Variants in TRAPPC8 observed in about 807,000 individuals in gnomAD.
TRAPPC8 encodes the protein general sporulation gene 1 homolog.
In TRAPPC8, 54 loss-of-function variants were observed where a neutral mutation model predicts 174.3. That is an observed-to-expected ratio of 0.31 (90% CI 0.25 to 0.39). The LOEUF is 0.39. TRAPPC8 is among the 10% of genes least tolerant of loss of function. The pLI is 1.00. For synonymous variants in TRAPPC8, 630 were observed against 579.9 expected (o/e 1.09, Z -1.24); for missense variants, 1,531 against 1,699.1 (o/e 0.90, Z 1.74).
chr18:31,892,987 A>G (rs1367316805), intron 11 of TRAPPC8, among the ~76,000 whole-genome samples: 1 of 151,178 alleles, frequency 6.6e-6, no homozygotes, highest in Non-Finnish European at 1.5e-5. Context: ...ACTGCACTCC[A>G]GCCTTGGTGA....
intron 4 of TRAPPC8, among the ~76,000 whole-genome samples, chr18:31,914,957 A>T (rs1416897092): frequency 6.6e-6 from 1 of 152,210 alleles, no homozygotes; most frequent in Non-Finnish European, 1.5e-5. Context: ...ATAAATATGA[A>T]GTCACAAGAG....
chr18:31,909,358 TAA>T (rs1481129194), intron 6 of TRAPPC8, among the ~76,000 whole-genome samples: 1 of 152,020 alleles, frequency 6.6e-6, no homozygotes, highest in Admixed American at 6.5e-5. Context: ...ACAAAAATCA[TAA>T]AGTCAGAAAT....
intron 27 of TRAPPC8, chr18:31,833,537 T>C (rs1184443415): frequency 6.6e-6 from 1 of 152,264 alleles, no homozygotes; most frequent in African/African-American, 2.4e-5. Context: ...TCAAGTCTCA[T>C]GTCTCATTTT....
At chr18:31,840,373 CAG>C (rs2033022094) in intron 26 of TRAPPC8, among the ~76,000 whole-genome samples, 1 of 132,082 alleles carries the variant, frequency 7.6e-6, no homozygotes, top group Admixed American at 7.5e-5. Flanking sequence ...AATAGAGAGA[CAG>C]AGGGAGGGAG....
At position 31,857,583 on chromosome 18, in the gene TRAPPC8, A is replaced by G; in HGVS notation, c.3145T>C (p.Phe1049Leu). The G allele has an allele frequency of 6.2e-7, 1 of 1,608,550 alleles. No individual in the cohort carries two copies. Among genetic ancestry groups the G allele is most frequent in the Non-Finnish European group, 8.5e-7 (1 of 1,177,976 alleles). ...PDEEGVHEIN[F>L]LFYYESVKKQ... Reference sequence around the variant, plus strand: ...TTGACACTTTCATAGTAAAACAAAAAGTTAATTTCATGGACACCTTCTTCA... The same window carrying G: ...TTGACACTTTCATAGTAAAACAAAAGGTTAATTTCATGGACACCTTCTTCA... The change falls in exon 20 of 29, where the codon TTT (phenylalanine) becomes CTT (leucine). Residue 1049 changes from phenylalanine (F) to leucine (L), a missense_variant. By Grantham distance (22) the Phe-to-Leu change is conservative. Transcript: ENST00000283351.
chr18:31,902,628 GA>G (rs1286898589), intron 9 of TRAPPC8, among the ~76,000 whole-genome samples: 1 of 152,092 alleles, frequency 6.6e-6, no homozygotes, highest in Non-Finnish European at 1.5e-5. Context: ...GAGACAAAGG[GA>G]AAAAAGGTTG....
At position 31,918,001 on chromosome 18, in the gene TRAPPC8, C is replaced by G. The variant is rs532034452; in HGVS notation, c.353-334G>C. 2.3e-4 allele frequency among the ~76,000 whole-genome samples: 35 copies of G among 152,204 alleles called. 1 individual carries two copies. The East Asian group carries it at 6.0e-3, about 26-fold the overall frequency. Reference sequence around the variant, plus strand: ...ATTAGCCGGGCATGGTGGCACGTGACTGTAATCCCAGCTACTCAGCAGGCT... The same window carrying G: ...ATTAGCCGGGCATGGTGGCACGTGAGTGTAATCCCAGCTACTCAGCAGGCT... On this transcript the variant is annotated intron_variant, in intron 2 of 28. Coordinates refer to ENST00000283351, the MANE Select transcript of TRAPPC8 (RefSeq NM_014939.5).
At chr18:31,864,555 T>C in intron 19 of TRAPPC8, 72 bp downstream of exon 19, 1 of 1,491,742 alleles carries the variant, frequency 6.7e-7, no homozygotes, top group Non-Finnish European at 9.1e-7. Context: ...CCTCAGAGCC[T>C]AAAATTAATT....
chr18:31,859,836 T>C lies in TRAPPC8; in HGVS notation c.2746-1854A>G, dbSNP rs1417937613. Among the ~76,000 whole-genome samples the C allele has an allele frequency of 5.9e-5, 9 of 152,048 alleles. No individual in the cohort carries two copies. In the East Asian group the frequency reaches 1.2e-3, roughly 20 times the overall value. On this transcript the variant is annotated intron_variant, in intron 19 of 28. Coordinates refer to ENST00000283351, the MANE Select transcript of TRAPPC8 (RefSeq NM_014939.5). ...TTTGAGACCAGCCTGACCAACATGGTGAAGCCCCGTCTCTACTAAAAATAC... is the reference window on the plus strand; with the variant it reads ...TTTGAGACCAGCCTGACCAACATGGCGAAGCCCCGTCTCTACTAAAAATAC...
At chr18:31,935,448 G>A (rs2038047167) in intron 1 of TRAPPC8, among the ~76,000 whole-genome samples, 1 of 147,780 alleles carries the variant, frequency 6.8e-6, no homozygotes, top group African/African-American at 2.5e-5. Context: ...CTACTCGGCA[G>A]GCTGAGGCAG....
chr18:31,936,817 G>A (rs1257266056), intron 1 of TRAPPC8, among the ~76,000 whole-genome samples: 1 of 149,458 alleles, frequency 6.7e-6, no homozygotes, highest in Non-Finnish European at 1.5e-5. Flanking sequence ...CAGGAGAATT[G>A]CTTGAACCTG....
chr18:31,860,295 G>A (rs554241518), intron 19 of TRAPPC8, among the ~76,000 whole-genome samples: 4 of 152,140 alleles, frequency 2.6e-5, no homozygotes, highest in South Asian at 2.1e-4. Flanking sequence ...GTGCTTGTGC[G>A]TAAGAAATTA....
Position 31,935,548 on chromosome 18 carries a change from T to TAAAAAA in TRAPPC8, c.158-4031_158-4026dup, listed in dbSNP as rs10650702. ...GGGCAACAAGAGCGAAACTCCATCT[T>TAAAAAA]AAAAAAAAAAAAAAAAAAAAGCAGG... On this transcript the variant is annotated intron_variant, in intron 1 of 28. Transcript: ENST00000283351. Among the ~76,000 whole-genome samples, 67 of 46,272 alleles carry TAAAAAA rather than the reference T, an allele frequency of 1.4e-3. 5 individuals carry two copies. The highest frequency in any genetic ancestry group is 3.2e-3 in the Admixed American group (9 of 2,822). The allele number at this position is 46,272 out of a possible 152,430, so 30.4% of individuals were successfully genotyped here.
intron 26 of TRAPPC8, 30 bp downstream of exon 26, chr18:31,846,686 A>G (rs76349894): frequency 0.065 from 98,625 of 1,517,164 alleles, 3,425 homozygotes; most frequent in Middle Eastern, 0.096. Context: ...CAAGTTCACC[A>G]GAAAGCTCCA....
intron 12 of TRAPPC8, 64 bp downstream of exon 12, chr18:31,890,671 T>A: frequency 6.5e-7 from 1 of 1,536,722 alleles, no homozygotes. Context: ...ATAATAAAAA[T>A]GGACAAATGA....
chr18:31,877,175 G>T (rs1044197603), intron 12 of TRAPPC8, among the ~76,000 whole-genome samples: 1 of 152,156 alleles, frequency 6.6e-6, no homozygotes, highest in Non-Finnish European at 1.5e-5. Flanking sequence ...CCCAGCGGCT[G>T]GAAATGAACA....
At chr18:31,865,523 G>T (rs897845183) in intron 18 of TRAPPC8, among the ~76,000 whole-genome samples, 1 of 151,888 alleles carries the variant, frequency 6.6e-6, no homozygotes, top group African/African-American at 2.4e-5. Context: ...ATAATAATGA[G>T]CTATACTAAA....
intron 17 of TRAPPC8, among the ~76,000 whole-genome samples, 178 bp from the exon 18 acceptor site, chr18:31,867,153 A>G (rs755937686): frequency 1.3e-5 from 2 of 152,204 alleles, no homozygotes; most frequent in Non-Finnish European, 2.9e-5. Flanking sequence ...TTATAGGCCT[A>G]AACCCTCAAT....
intron 2 of TRAPPC8, among the ~76,000 whole-genome samples, chr18:31,918,964 C>T (rs554785796): frequency 1.3e-5 from 2 of 152,150 alleles, no homozygotes; most frequent in African/African-American, 4.8e-5. Flanking sequence ...TTGCTTTCAT[C>T]TTAACCACTG....
Sources: gnomAD v4.1 joint callset for allele counts (sites outside exome capture counted in the v4.1 genomes callset) on GRCh38, gnomAD v4.1.1 for gene constraint, MANE v1.5 for transcripts, NCBI Gene and HGNC (gene_info 2026-07-23, HGNC 2026-07-21) for gene names.